Variants in THSD1 observed in about 807,000 individuals in gnomAD.
The protein encoded by THSD1 is thrombospondin type 1 domain containing 1, also known as thrombospondin type-1 domain-containing protein 1.
Under a neutral mutation model 46.3 loss-of-function variants are expected in THSD1, and 34 were observed. The ratio of observed to expected loss-of-function variants is 0.74; its 90% CI spans 0.56 to 0.98. The LOEUF is 0.98. THSD1 is among the 50% of genes least tolerant of loss of function. The probability of loss-of-function intolerance (pLI) is 0.00; values close to 1 mark genes in which losing one functional copy is unlikely to be tolerated. For synonymous variants in THSD1, 407 were observed against 416.5 expected, an observed-to-expected ratio of 0.98 and a Z score of 0.28; for missense variants, 1,023 against 1,058.3, an observed-to-expected ratio of 0.97 and a Z score of 0.46.
In THSD1 at chr13:52,398,061, C is replaced by T. The variant is rs1292049937; in HGVS notation, c.192G>A (p.Leu64=). The change falls in exon 3 of 5, where the codon TTG becomes TTA. Residue 64 remains leucine (L), a synonymous_variant. Coordinates refer to ENST00000258613, the MANE Select transcript of THSD1 (RefSeq NM_018676.4). ...TTACAGTCTGATTGGTGTTGGCCTC[C>T]AACAGCAGGACAGATACATTCCTCA... ...GTLRNVSVLL[L]EANTNQTVTT... is the part of the protein sequence containing the mutation. 2 of 1,614,046 alleles carry T rather than the reference C, an allele frequency of 1.2e-6. No homozygotes were observed. Among genetic ancestry groups the T allele is most frequent in the Non-Finnish European group, 1.7e-6 (2 of 1,180,044 alleles).
chr13:52,387,495 C>A (rs1437294457), intron 3 of THSD1, among the ~76,000 whole-genome samples: 1 of 152,044 alleles, frequency 6.6e-6, no homozygotes, highest in African/African-American at 2.4e-5. Context: ...TCAAGATAAC[C>A]AGACTCAGAG....
chr13:52,404,817 A>G (rs1196111035), intron 1 of THSD1, among the ~76,000 whole-genome samples: 3 of 152,224 alleles, frequency 2.0e-5, no homozygotes, highest in Admixed American at 6.5e-5. Flanking sequence ...GCCCCAAATC[A>G]TTACTGATTT....
At chr13:52,398,234 T>C (rs1415852175) in intron 2 of THSD1, 40 bp from the exon 3 acceptor site, 2 of 1,571,152 alleles carry the variant, frequency 1.3e-6, no homozygotes, top group Non-Finnish European at 1.7e-6. Flanking sequence ...AAAAGGTGCA[T>C]TTGAGAAGAA....
intron 4 of THSD1, among the ~76,000 whole-genome samples, chr13:52,379,617 G>A (rs985227970): frequency 1.3e-5 from 2 of 152,040 alleles, no homozygotes; most frequent in African/African-American, 4.8e-5. Flanking sequence ...TGGAACTATA[G>A]GCGCATGCCA....
chr13:52,377,769 G>A lies in THSD1; in HGVS notation c.2201C>T (p.Pro734Leu). 1 of 1,614,142 alleles carries A rather than the reference G, an allele frequency of 6.2e-7. No individual in the cohort carries two copies. The highest frequency in any genetic ancestry group is 8.5e-7 in the Non-Finnish European group (1 of 1,180,026). Reference protein sequence around the residue: ...PLPKSYTLGQPLRKPDLGDHQ... With the variant: ...PLPKSYTLGQLLRKPDLGDHQ... ...ATCCCCAAGGTCTGGTTTCCTCAAG[G>A]GCTGCCCCAAAGTGTAGGATTTAGG... is the stretch of plus-strand genomic sequence containing the variant. Residue 734 changes from proline to leucine, a missense_variant, in exon 5 of 5, where the codon CCC becomes CTC. By Grantham distance (98) the Pro-to-Leu change is moderately conservative. This residue lies in a region of THSD1 where 578 missense variants were observed against 497.4 expected (regional missense o/e 1.16). Coordinates refer to ENST00000258613, the MANE Select transcript of THSD1 (RefSeq NM_018676.4).
At position 52,386,149 on chromosome 13, in the gene THSD1, A is replaced by C. The variant is rs1232899149; in HGVS notation, c.1059T>G (p.Ser353Arg). Residue 353 changes from serine to arginine, a missense_variant, in exon 4 of 5, where the codon AGT becomes AGG. Around this residue, in one of 3 missense-constraint regions of THSD1, gnomAD observed 429 missense variants for 518.3 expected, o/e 0.83. Coordinates refer to ENST00000258613, the MANE Select transcript of THSD1 (RefSeq NM_018676.4). ...CTCTGACACCATCCCCACATGTGGCACTACACTGGCTCCATGGCTGCCACA... is the reference window on the plus strand; with the variant it reads ...CTCTGACACCATCCCCACATGTGGCCCTACACTGGCTCCATGGCTGCCACA... Reference protein sequence around the residue: ...WGLWQPWSQCSATCGDGVRER... With the variant: ...WGLWQPWSQCRATCGDGVRER... 1 of 1,614,212 alleles carries C rather than the reference A, an allele frequency of 6.2e-7. No homozygotes were observed.
rs74085754 is a variant in THSD1, at chr13:52,385,447, G to A, written c.1180+581C>T. The stretch of plus-strand genomic sequence containing the variant: ...GATCAAATACTCACTGACCAGCTAC[G>A]AGTATGTGCCTTGAAGATGCTTAGA... On this transcript the variant is annotated intron_variant, in intron 4 of 4. Coordinates refer to ENST00000258613, the MANE Select transcript of THSD1 (RefSeq NM_018676.4). Among the ~76,000 whole-genome samples, 623 of 149,774 alleles carry A rather than the reference G, an allele frequency of 4.2e-3. 3 individuals are homozygous for A. The highest frequency in any genetic ancestry group is 0.015 in the African/African-American group (603 of 41,134).
At chr13:52,402,794 G>C in intron 1 of THSD1, 113 bp from the exon 2 acceptor site, 1 of 1,372,044 alleles carries the variant, frequency 7.3e-7, no homozygotes, top group Non-Finnish European at 9.4e-7. Flanking sequence ...ATATTGAAAG[G>C]AAACTAGAGA....
At position 52,397,494 on chromosome 13, in the gene THSD1, C is replaced by T. The variant is rs751555682; in HGVS notation, c.759G>A (p.Glu253=). Residue 253 remains glutamate (E), a synonymous_variant, in exon 3 of 5, where the codon GAG becomes GAA. Coordinates refer to ENST00000258613, the MANE Select transcript of THSD1 (RefSeq NM_018676.4). ...GCAGCACTGTCACCTCTACCCCGGACTCACATGTGAGTTCTGGCACCATCA... is the reference window on the plus strand; with the variant it reads ...GCAGCACTGTCACCTCTACCCCGGATTCACATGTGAGTTCTGGCACCATCA... The part of the protein sequence containing the change: ...KLVMVPELTC[E]SGVEVTVLPP... 1.1e-5 allele frequency: 18 copies of T among 1,614,160 alleles called. No individual in the cohort carries two copies. Among genetic ancestry groups the T allele is most frequent in the Admixed American group, 1.0e-4 (6 of 60,022 alleles).
intron 3 of THSD1, among the ~76,000 whole-genome samples, chr13:52,396,551 TA>T (rs1239287918): frequency 6.6e-6 from 1 of 151,658 alleles, no homozygotes; most frequent in Non-Finnish European, 1.5e-5. Flanking sequence ...AAAACAAAGA[TA>T]AAAAACGAAC....
At position 52,397,231 on chromosome 13, in the gene THSD1, C is replaced by A; in HGVS notation, c.1021+1G>T. On this transcript the variant is annotated splice_donor_variant, in intron 3 of 4. Coordinates refer to ENST00000258613, the MANE Select transcript of THSD1 (RefSeq NM_018676.4). LOFTEE classifies it high-confidence loss of function. Reference sequence around the variant, plus strand: ...AATGTTAAAAAAATCTCAATACAAACCTGTATTTCTCTGAATTAGCATGCA... The same window carrying A: ...AATGTTAAAAAAATCTCAATACAAAACTGTATTTCTCTGAATTAGCATGCA... The A allele has an allele frequency of 1.3e-6, 2 of 1,557,524 alleles. No individual in the cohort carries two copies. Among genetic ancestry groups the A allele is most frequent in the East Asian group, 2.2e-5 (1 of 44,460 alleles).
At chr13:52,392,842 A>G (rs992375573) in intron 3 of THSD1, among the ~76,000 whole-genome samples, 6 of 152,238 alleles carry the variant, frequency 3.9e-5, no homozygotes, top group African/African-American at 9.6e-5. Context: ...CACCTGGGAT[A>G]AGCAGTTCAG....
At chr13:52,396,009 A>C (rs1437688360) in intron 3 of THSD1, among the ~76,000 whole-genome samples, 2 of 152,170 alleles carry the variant, frequency 1.3e-5, no homozygotes, top group African/African-American at 4.8e-5. Flanking sequence ...GGACGAAGCT[A>C]AGGAGTTTAG....
At position 52,402,543 on chromosome 13, in the gene THSD1, CAT is replaced by C; in HGVS notation, c.56_57del (p.Tyr19CysfsTer6). The C allele has an allele frequency of 6.2e-7, 1 of 1,613,512 alleles. No homozygotes were observed. The highest frequency in any genetic ancestry group is 8.5e-7 in the Non-Finnish European group (1 of 1,179,602). Reference sequence around the variant, plus strand: ...CGTTAAGTATACTCACAATACTCACCATAGTCACAGAGTACCACCAACAATAG... The same window carrying C: ...CGTTAAGTATACTCACAATACTCACCAGTCACAGAGTACCACCAACAATAG... ...SNLLLVVLCD[Y>X]VLGEAEYLLL... On this transcript the variant is annotated frameshift_variant and splice_region_variant, in exon 2 of 5. Transcript: ENST00000258613. LOFTEE classifies it high-confidence loss of function.
chr13:52,393,884 T>C (rs1957791201), intron 3 of THSD1, among the ~76,000 whole-genome samples: 1 of 152,154 alleles, frequency 6.6e-6, no homozygotes, highest in Admixed American at 6.5e-5. Context: ...GAGGTTCCTG[T>C]CTCAAGCATA....
rs950126429 is a variant in THSD1 at position 52,398,589 on chromosome 13, T to C, written c.59-395A>G. 10 of 985,310 alleles carry C rather than the reference T, an allele frequency of 1.0e-5. 1 individual carries two copies. In the Admixed American group the frequency reaches 4.3e-4, roughly 42 times the overall value. 61.0% of individuals were successfully genotyped at this position (985,310 alleles called of 1,614,324 possible). ...GAAGTTAGAACTGAGCCAGGGATGA[T>C]GTAAAATGATACTGAGCACAGATCC... On this transcript the variant is annotated intron_variant, in intron 2 of 4. Coordinates refer to ENST00000258613, the MANE Select transcript of THSD1 (RefSeq NM_018676.4).
intron 1 of THSD1, among the ~76,000 whole-genome samples, chr13:52,405,773 G>T (rs1180729196): frequency 6.6e-6 from 1 of 152,232 alleles, no homozygotes; most frequent in Non-Finnish European, 1.5e-5. Flanking sequence ...TCTGTGGCCA[G>T]TCTCAGTCAC....
At position 52,377,988 on chromosome 13, in the gene THSD1, T is replaced by C. The variant is rs1052821084; in HGVS notation, c.1982A>G (p.Gln661Arg). 3.6e-5 allele frequency: 58 copies of C among 1,614,162 alleles called. No individual in the cohort carries two copies. Among genetic ancestry groups the C allele is most frequent in the Non-Finnish European group, 4.8e-5 (57 of 1,180,028 alleles). ...GCTCCTCTCTCGGAACGGCCGGGCC[T>C]GCCTGGCTTCATGGAAACTCGCTGT... ...RRTASFHEARQARPFRERSMS... is the reference protein window; with the variant it reads ...RRTASFHEARRARPFRERSMS... The change falls in exon 5 of 5, where the codon CAG (glutamine) becomes CGG (arginine). Residue 661 changes from glutamine (Q) to arginine (R), a missense_variant. Physicochemically the swap from Gln to Arg is conservative, Grantham distance 43. Around this residue, in one of 3 missense-constraint regions of THSD1, gnomAD observed 578 missense variants for 497.4 expected, o/e 1.16. Transcript: ENST00000258613.
intron 3 of THSD1, among the ~76,000 whole-genome samples, chr13:52,391,354 A>G (rs1294622893): frequency 6.6e-6 from 1 of 151,080 alleles, no homozygotes; most frequent in African/African-American, 2.4e-5. Context: ...AGTAGCTGGT[A>G]CTACAGGTGC....
Sources: gnomAD v4.1 joint callset for allele counts (sites outside exome capture counted in the v4.1 genomes callset) on GRCh38, gnomAD v4.1.1 for gene constraint, gnomAD v4.1.1 regional missense constraint, MANE v1.5 for transcripts, NCBI Gene and HGNC (gene_info 2026-07-23, HGNC 2026-07-21) for gene names.